Variants in TCF7L2 observed in about 807,000 individuals in gnomAD.
TCF7L2 encodes the protein transcription factor 7 like 2.
A neutral mutation model predicts 77.9 loss-of-function variants in TCF7L2; 23 were observed. The ratio of observed to expected loss-of-function variants is 0.30; its 90% CI spans 0.21 to 0.42. The LOEUF is 0.42. Ranked by LOEUF, TCF7L2 falls within the 10% of genes least tolerant of loss-of-function variation. The probability of loss-of-function intolerance (pLI) is 1.00; values close to 1 mark genes in which losing one functional copy is unlikely to be tolerated. For missense variants in TCF7L2, 654 were observed against 793.1 expected, an observed-to-expected ratio of 0.82 and a Z score of 2.11; for synonymous variants, 413 against 340.2, an observed-to-expected ratio of 1.21 and a Z score of -2.36.
chr10:113,007,366 T>C (rs1472158376), intron 4 of TCF7L2, among the ~76,000 whole-genome samples: 1 of 152,212 alleles, frequency 6.6e-6, no homozygotes, highest in Non-Finnish European at 1.5e-5. Context: ...TGGAGCTGGC[T>C]CCCTTTCCTG....
chr10:113,062,976 G>C (rs7086355), intron 5 of TCF7L2, among the ~76,000 whole-genome samples: 22,728 of 152,174 alleles, frequency 0.15, 1,823 homozygotes, highest in Middle Eastern at 0.19. Flanking sequence ...GTTGGGGACT[G>C]TGCATCAGGT....
chr10:113,097,646 GAAAAAAAAAAAAA>G (rs869133669), intron 5 of TCF7L2, among the ~76,000 whole-genome samples: 2,328 of 36,834 alleles, frequency 0.063, 53 homozygotes, highest in Admixed American at 0.11. Flanking sequence ...TCTTGTCTCG[GAAAAAAAAAAAAA>G]AAAAAAAAAA....
intron 5 of TCF7L2, among the ~76,000 whole-genome samples, chr10:113,109,450 GGTGCA>G (rs1313964850): frequency 2.6e-5 from 4 of 152,168 alleles, no homozygotes; most frequent in Non-Finnish European, 5.9e-5. Context: ...GGAGTGCAGT[GGTGCA>G]ATCAAGGCTC....
intron 5 of TCF7L2, among the ~76,000 whole-genome samples, chr10:113,111,519 C>T (rs1181134754): frequency 6.6e-6 from 1 of 152,166 alleles, no homozygotes; most frequent in Non-Finnish European, 1.5e-5. Context: ...CAACTGGGTG[C>T]GGTGGCTCAC....
chr10:112,970,136 G>C (rs956456206), intron 4 of TCF7L2, among the ~76,000 whole-genome samples: 1 of 151,666 alleles, frequency 6.6e-6, no homozygotes, highest in African/African-American at 2.4e-5. Context: ...AACCTTTCTT[G>C]GTTGTTATTC....
intron 3 of TCF7L2, among the ~76,000 whole-genome samples, chr10:112,954,012 G>A (rs2032789255): frequency 6.6e-6 from 1 of 152,182 alleles, no homozygotes; most frequent in Non-Finnish European, 1.5e-5. Flanking sequence ...TATTTAGGCT[G>A]GTCAGCAGAG....
chr10:113,139,460 T>C (rs1445988102), intron 5 of TCF7L2, among the ~76,000 whole-genome samples: 1 of 152,220 alleles, frequency 6.6e-6, no homozygotes, highest in Non-Finnish European at 1.5e-5. Context: ...CCTTCATGGC[T>C]GCCCCTTTTA....
At chr10:112,995,094 T>C (rs187998892) in intron 4 of TCF7L2, among the ~76,000 whole-genome samples, 367 of 152,258 alleles carry the variant, frequency 2.4e-3, no homozygotes, top group African/African-American at 8.4e-3. Flanking sequence ...AGAGCGAAAC[T>C]GTGTCTCAAA....
intron 5 of TCF7L2, among the ~76,000 whole-genome samples, chr10:113,087,558 C>T (rs1404832931): frequency 1.3e-5 from 2 of 152,210 alleles, no homozygotes; most frequent in Non-Finnish European, 2.9e-5. Context: ...CCGAATGACT[C>T]ACGCTCCTGT....
At chr10:113,050,998 AT>A (rs373780198) in intron 5 of TCF7L2, among the ~76,000 whole-genome samples, 2,219 of 146,160 alleles carry the variant, frequency 0.015, 28 homozygotes, top group Non-Finnish European at 0.022. Flanking sequence ...GTCTCTACAC[AT>A]TTTTTTTTTT....
At position 113,155,638 on chromosome 10, in the gene TCF7L2, G is replaced by A. The variant is rs1392962225; in HGVS notation, c.1270-2383G>A. ...CAGTATATTGCAAGGAATTGGAAAC[G>A]GGGATGCTTTTTCACACATGGCTGA... On this transcript the variant is annotated intron_variant, in intron 11 of 13. Transcript: ENST00000627217. Among the ~76,000 whole-genome samples, 7 of 152,304 alleles carry A rather than the reference G, an allele frequency of 4.6e-5. No homozygotes were observed. In the South Asian group the frequency reaches 6.2e-4, roughly 14 times the overall value.
chr10:113,071,340 G>T (rs918827945), intron 5 of TCF7L2, among the ~76,000 whole-genome samples: 1 of 152,122 alleles, frequency 6.6e-6, no homozygotes, highest in African/African-American at 2.4e-5. Context: ...GGCAAGCAGA[G>T]GGTTAAATGC....
chr10:113,015,439 T>C (rs546488845), intron 4 of TCF7L2, among the ~76,000 whole-genome samples: 1 of 147,510 alleles, frequency 6.8e-6, no homozygotes, highest in South Asian at 2.1e-4. Context: ...TTTTCCTGCC[T>C]GATGAGCTTT....
intron 4 of TCF7L2, 115 bp downstream of exon 4, chr10:112,964,739 ATGG>A (rs750227326): frequency 3.2e-4 from 184 of 577,138 alleles, no homozygotes; most frequent in Non-Finnish European, 4.1e-4. Flanking sequence ...GATGATGATG[ATGG>A]TGGTGGTGGT....
At chr10:113,111,261 A>G (rs2063096947) in intron 5 of TCF7L2, among the ~76,000 whole-genome samples, 1 of 152,140 alleles carries the variant, frequency 6.6e-6, no homozygotes, top group South Asian at 2.1e-4. Flanking sequence ...TGACAGTTGT[A>G]AATAATTATC....
intron 4 of TCF7L2, among the ~76,000 whole-genome samples, chr10:112,972,805 CAG>C (rs1207802499): frequency 4.6e-5 from 7 of 152,168 alleles, no homozygotes; most frequent in African/African-American, 7.2e-5. Context: ...CATAACAACA[CAG>C]AGGGAAATTT....
Position 113,159,883 on chromosome 10 carries a change from C to T in TCF7L2, c.1319-736C>T, listed in dbSNP as rs199948145. On this transcript the variant is annotated intron_variant, in intron 12 of 13. Coordinates refer to ENST00000627217, the MANE Select transcript of TCF7L2 (RefSeq NM_001146274.2). ...TCTCTCTCTCCCTTTCTCCCACGTTCTCCTCCTCTGCTCGCTTCTCTCTTG... is the reference window on the plus strand; with the variant it reads ...TCTCTCTCTCCCTTTCTCCCACGTTTTCCTCCTCTGCTCGCTTCTCTCTTG... 4.4e-6 allele frequency: 5 copies of T among 1,126,476 alleles called. No homozygotes were observed. In the East Asian group the frequency reaches 2.2e-4, roughly 50 times the overall value. 69.8% of individuals were successfully genotyped at this position (1,126,476 alleles called of 1,614,324 possible).
chr10:112,951,093 T>A, intron 1 of TCF7L2, 114 bp from the exon 2 acceptor site: 2 of 1,303,516 alleles, frequency 1.5e-6, no homozygotes. Context: ...CAAAAACTTG[T>A]AACCCTGTTT....
rs1280319944 is a variant in TCF7L2, at chr10:113,166,782, A to G, written c.*810A>G. 2.2e-5 allele frequency: 5 copies of G among 228,088 alleles called. No individual in the cohort carries two copies. The highest frequency in any genetic ancestry group is 4.3e-5 in the Non-Finnish European group (5 of 115,068). The allele number at this position is 228,088 out of a possible 1,614,324, so 14.1% of individuals were successfully genotyped here. A position where few individuals can be genotyped will look rare whatever the true frequency, so the allele number is the denominator to read the frequency against. On this transcript the variant is annotated 3_prime_UTR_variant, in exon 14 of 14. Transcript: ENST00000627217. ...ATTTGTACAAGGTTTTTAAGTTTAT[A>G]TATAAAATGTGTATATATATTTTTG...
Sources: allele counts gnomAD v4.1 joint callset (sites outside exome capture counted in the v4.1 genomes callset), GRCh38; gene constraint gnomAD v4.1.1; transcripts MANE v1.5; gene names NCBI Gene and HGNC (gene_info 2026-07-23, HGNC 2026-07-21).